RORB: variants seen among roughly 807,000 people sequenced by gnomAD.
RORB encodes the protein RAR related orphan receptor B.
RORB carries 6 observed loss-of-function variants against 59.1 expected under a neutral mutation model. The observed-to-expected ratio is 0.10, with a 90% confidence interval of 0.06 to 0.20. RORB has a LOEUF of 0.20. Among genes scored for constraint, RORB ranks in the 10% least tolerant of loss-of-function variants. The pLI is 1.00. For missense variants in RORB, 320 were observed against 560.5 expected (o/e 0.57, Z 4.33); for synonymous variants, 215 against 204.5 (o/e 1.05, Z -0.44).
intron 1 of RORB, among the ~76,000 whole-genome samples, chr9:74,531,495 G>C (rs1473114336): frequency 6.6e-6 from 1 of 151,926 alleles, no homozygotes; most frequent in Admixed American, 6.6e-5. Context: ...GAAATACCAA[G>C]CTTGGGGTTT....
At chr9:74,638,990 G>C (rs1237463214) in intron 3 of RORB, among the ~76,000 whole-genome samples, 1 of 152,220 alleles carries the variant, frequency 6.6e-6, no homozygotes, top group East Asian at 1.9e-4. Context: ...AAAATGCAGA[G>C]CTTTTCTTTG....
intron 1 of RORB, among the ~76,000 whole-genome samples, chr9:74,604,622 A>G: frequency 6.6e-6 from 1 of 152,216 alleles, no homozygotes; most frequent in East Asian, 1.9e-4. Flanking sequence ...TATCTAGATC[A>G]CCCAATTATT....
intron 3 of RORB, 49 bp from the exon 4 acceptor site, chr9:74,642,365 C>T (rs753996810): frequency 1.1e-5 from 17 of 1,548,570 alleles, no homozygotes; most frequent in African/African-American, 1.4e-5. Flanking sequence ...AGGTGGTTAA[C>T]GCGAATGATA....
intron 8 of RORB, 40 bp from the exon 9 acceptor site, chr9:74,671,749 G>A (rs1824349419): frequency 2.3e-6 from 3 of 1,308,050 alleles, no homozygotes; most frequent in Non-Finnish European, 3.3e-6. Flanking sequence ...GCAAAACAAA[G>A]TTGATGTTCC....
At chr9:74,573,722 A>AT (rs1376350067) in intron 1 of RORB, among the ~76,000 whole-genome samples, 1 of 152,118 alleles carries the variant, frequency 6.6e-6, no homozygotes, top group Non-Finnish European at 1.5e-5. Context: ...GTCTCCATAG[A>AT]TTAATGTTAA....
chr9:74,592,277 T>A (rs1198997848), intron 1 of RORB, among the ~76,000 whole-genome samples: 5 of 152,122 alleles, frequency 3.3e-5, no homozygotes, highest in African/African-American at 1.2e-4. Flanking sequence ...AAAATTCAAA[T>A]TATCAGGCCC....
chr9:74,670,338 G>A (rs530805567), intron 8 of RORB, among the ~76,000 whole-genome samples: 67 of 151,946 alleles, frequency 4.4e-4, no homozygotes, highest in African/African-American at 1.5e-3. Context: ...TTTCTCTTTG[G>A]GTATATTTGT....
intron 9 of RORB, among the ~76,000 whole-genome samples, chr9:74,679,243 C>A (rs928362849): frequency 1.3e-5 from 2 of 152,018 alleles, no homozygotes; most frequent in Non-Finnish European, 2.9e-5. Context: ...ATTTTCATTT[C>A]TATTTGGTCA....
chr9:74,507,433 T>G, intron 1 of RORB, among the ~76,000 whole-genome samples: 1 of 152,076 alleles, frequency 6.6e-6, no homozygotes, highest in Non-Finnish European at 1.5e-5. Context: ...TAATGAAAAT[T>G]AGTGAAACCA....
At chr9:74,519,796 T>C (rs1259346752) in intron 1 of RORB, among the ~76,000 whole-genome samples, 1 of 151,956 alleles carries the variant, frequency 6.6e-6, no homozygotes, top group Non-Finnish European at 1.5e-5. Context: ...TAAATGTGTC[T>C]TCCCAAGGAT....
intron 9 of RORB, among the ~76,000 whole-genome samples, chr9:74,679,967 G>A (rs1362615156): frequency 6.6e-6 from 1 of 152,060 alleles, no homozygotes; most frequent in Non-Finnish European, 1.5e-5. Flanking sequence ...ACTTGGCATG[G>A]TGGTGCGCAT....
chr9:74,544,198 ATT>A (rs1015457737), intron 1 of RORB, among the ~76,000 whole-genome samples: 6 of 152,144 alleles, frequency 3.9e-5, no homozygotes, highest in African/African-American at 1.2e-4. Context: ...TGTTTGCTCC[ATT>A]CTCTATCATT....
chr9:74,611,998 C>G, intron 1 of RORB, among the ~76,000 whole-genome samples: 1 of 152,008 alleles, frequency 6.6e-6, no homozygotes, highest in East Asian at 1.9e-4. Flanking sequence ...GGGAGACACA[C>G]AAAGAGAGGG....
At chr9:74,558,955 G>C (rs1822352853) in intron 1 of RORB, among the ~76,000 whole-genome samples, 1 of 152,188 alleles carries the variant, frequency 6.6e-6, no homozygotes, top group Non-Finnish European at 1.5e-5. Context: ...GCAGACACAT[G>C]TAAGTGGTCA....
At chr9:74,659,792 C>A (rs1342097144) in intron 4 of RORB, among the ~76,000 whole-genome samples, 2 of 152,018 alleles carry the variant, frequency 1.3e-5, no homozygotes, top group Non-Finnish European at 2.9e-5. Context: ...GTCTCCAAAC[C>A]CAAAATGATT....
At chr9:74,594,142 A>G (rs761243226) in intron 1 of RORB, among the ~76,000 whole-genome samples, 1 of 152,232 alleles carries the variant, frequency 6.6e-6, no homozygotes, top group African/African-American at 2.4e-5. Context: ...TTTTATAAGA[A>G]TAAAACTTAC....
At chr9:74,674,738 G>A (rs189363927) in intron 9 of RORB, among the ~76,000 whole-genome samples, 2 of 152,272 alleles carry the variant, frequency 1.3e-5, no homozygotes, top group East Asian at 3.9e-4. Flanking sequence ...GGTTTGGGGA[G>A]AGGAGAGAGT....
intron 4 of RORB, among the ~76,000 whole-genome samples, chr9:74,644,043 A>G (rs1027472814): frequency 2.0e-5 from 3 of 152,250 alleles, no homozygotes; most frequent in South Asian, 2.1e-4. Flanking sequence ...TTTATGCTAC[A>G]TGCTCGGTCA....
Position 74,567,273 on chromosome 9 carries a change from C to T in RORB, c.8-63009C>T, listed in dbSNP as rs554416287. Among the ~76,000 whole-genome samples the T allele has an allele frequency of 5.3e-5, 8 of 152,246 alleles. No individual in the cohort carries two copies. The East Asian group carries it at 9.7e-4, about 18-fold the overall frequency. On this transcript the variant is annotated intron_variant, in intron 1 of 9. Coordinates refer to ENST00000376896, the MANE Select transcript of RORB (RefSeq NM_006914.4). ...AACTCCTGTTCTCAAGTGATCCACC[C>T]GCCTTGGCCTCCCAAAGTGCTGGAA...
Sources: allele counts gnomAD v4.1 joint callset (sites outside exome capture counted in the v4.1 genomes callset), GRCh38; gene constraint gnomAD v4.1.1; transcripts MANE v1.5; gene names NCBI Gene and HGNC (gene_info 2026-07-23, HGNC 2026-07-21).